LRBA: variants seen among roughly 807,000 people sequenced by gnomAD.
The protein encoded by LRBA is lipopolysaccharide-responsive and beige-like anchor protein.
Under a neutral mutation model 330.0 loss-of-function variants are expected in LRBA, and 176 were observed. The ratio of observed to expected loss-of-function variants is 0.53; its 90% CI spans 0.47 to 0.60. The LOEUF (loss-of-function observed/expected upper bound fraction) is 0.60, where lower values mean the gene tolerates loss of function less well. Ranked by LOEUF, LRBA falls within the 20% of genes least tolerant of loss-of-function variation. The pLI is 0.00. For synonymous variants in LRBA, 1,230 were observed against 1,193.0 expected (o/e 1.03, Z -0.64); for missense variants, 3,259 against 3,444.8 (o/e 0.95, Z 1.35).
intron 37 of LRBA, among the ~76,000 whole-genome samples, chr4:150,621,319 A>C (rs1776270276): frequency 6.6e-6 from 1 of 152,084 alleles, no homozygotes; most frequent in Admixed American, 6.6e-5. Flanking sequence ...ATTTTTAAAA[A>C]CTGTGGGCTT....
intron 47 of LRBA, among the ~76,000 whole-genome samples, chr4:150,406,039 A>G (rs1746152795): frequency 1.3e-5 from 2 of 152,198 alleles, no homozygotes; most frequent in South Asian, 4.1e-4. Flanking sequence ...TGGGTGACAG[A>G]GTGAGATTCT....
intron 56 of LRBA, among the ~76,000 whole-genome samples, chr4:150,272,363 T>G (rs1351124818): frequency 6.6e-6 from 1 of 152,012 alleles, no homozygotes; most frequent in East Asian, 1.9e-4. Context: ...TCCACAAAAA[T>G]GGGGAGAAAC....
intron 55 of LRBA, 80 bp from the exon 56 acceptor site, chr4:150,278,084 C>T (rs1747038375): frequency 3.2e-6 from 4 of 1,245,896 alleles, no homozygotes; most frequent in East Asian, 2.3e-5. Flanking sequence ...GTCATTCTTA[C>T]ACCAGCTACT....
At chr4:150,896,335 A>C in intron 16 of LRBA, 59 bp downstream of exon 16, 1 of 885,124 alleles carries the variant, frequency 1.1e-6, no homozygotes. Flanking sequence ...TTTTACTTTT[A>C]AAAAAGTCTA....
At chr4:150,394,316 AC>A (rs1390550155) in intron 47 of LRBA, among the ~76,000 whole-genome samples, 10 of 152,224 alleles carry the variant, frequency 6.6e-5, no homozygotes, top group Non-Finnish European at 5.9e-5. Context: ...TTCAGACATG[AC>A]CATGCATATG....
rs375725591 is a variant in LRBA at position 150,623,198 on chromosome 4, T to C, written c.5922-24067A>G. 1.6e-4 allele frequency among the ~76,000 whole-genome samples: 24 copies of C among 152,332 alleles called. 1 individual carries two copies. In the East Asian group the frequency reaches 4.6e-3, roughly 29 times the overall value. On this transcript the variant is annotated intron_variant, in intron 37 of 56. Transcript: ENST00000651943. ...TGACAAATCTTTCCTGGCGGTACAT[T>C]CAAACCTTGCCCCACAAGGGCATTC...
At chr4:150,422,159 G>C (rs1672247128) in intron 46 of LRBA, among the ~76,000 whole-genome samples, 1 of 152,142 alleles carries the variant, frequency 6.6e-6, no homozygotes, top group Non-Finnish European at 1.5e-5. Context: ...CTACTCTGGA[G>C]GGTGAGGTGA....
At chr4:150,895,313 A>C (rs868840495) in intron 16 of LRBA, among the ~76,000 whole-genome samples, 1 of 152,062 alleles carries the variant, frequency 6.6e-6, no homozygotes, top group Non-Finnish European at 1.5e-5. Flanking sequence ...TTCAAGTTTT[A>C]GGGTACATGT....
At chr4:150,754,461 G>A (rs559138300) in intron 35 of LRBA, among the ~76,000 whole-genome samples, 1 of 134,636 alleles carries the variant, frequency 7.4e-6, no homozygotes, top group East Asian at 2.2e-4. Flanking sequence ...CAGAGATAAA[G>A]ACATGAGCCC....
chr4:150,393,803 T>C (rs1031171764), intron 47 of LRBA, among the ~76,000 whole-genome samples: 9 of 152,218 alleles, frequency 5.9e-5, no homozygotes, highest in Admixed American at 4.6e-4. Flanking sequence ...TGTTTCTTTA[T>C]AGCATCATTG....
At chr4:150,644,554 G>A (rs1778961076) in intron 37 of LRBA, among the ~76,000 whole-genome samples, 1 of 151,844 alleles carries the variant, frequency 6.6e-6, no homozygotes, top group African/African-American at 2.4e-5. Context: ...TGAGGACATT[G>A]AAGCAAAATC....
chr4:150,490,440 T>C (rs904912181), intron 41 of LRBA, among the ~76,000 whole-genome samples: 9 of 151,862 alleles, frequency 5.9e-5, no homozygotes, highest in African/African-American at 2.2e-4. Context: ...AGTTCAACTT[T>C]CAAGAATGAT....
intron 37 of LRBA, among the ~76,000 whole-genome samples, chr4:150,648,166 A>AAAAAAAAAAAAAAAAAAAAAACAAC (rs1561468366): frequency 1.4e-5 from 2 of 142,566 alleles, no homozygotes; most frequent in African/African-American, 4.9e-5. Context: ...AGCAAAAAAA[A>AAAAAAAAAAAAAAAAAAAAAACAAC]AAAAAAAAAA....
intron 36 of LRBA, among the ~76,000 whole-genome samples, chr4:150,703,646 G>A (rs893117355): frequency 6.6e-5 from 10 of 151,974 alleles, no homozygotes; most frequent in African/African-American, 9.7e-5. Flanking sequence ...CTAATGTAAC[G>A]TCCATAACAA....
intron 31 of LRBA, among the ~76,000 whole-genome samples, chr4:150,811,597 G>A (rs1743746518): frequency 6.6e-6 from 1 of 152,074 alleles, no homozygotes; most frequent in Admixed American, 6.6e-5. Flanking sequence ...TGAGTTCCTG[G>A]ACTCAAGTAA....
intron 40 of LRBA, among the ~76,000 whole-genome samples, chr4:150,543,352 T>C (rs1765519655): frequency 6.6e-6 from 1 of 152,194 alleles, no homozygotes; most frequent in African/African-American, 2.4e-5. Context: ...AGAAAGGAGA[T>C]ACTATCCACT....
At chr4:150,927,093 G>A (rs1158809024) in intron 4 of LRBA, among the ~76,000 whole-genome samples, 7 of 148,112 alleles carry the variant, frequency 4.7e-5, no homozygotes, top group African/African-American at 1.7e-4. Flanking sequence ...AAAAAAAAAA[G>A]GCCAGGCGCG....
intron 36 of LRBA, among the ~76,000 whole-genome samples, chr4:150,704,011 C>T (rs761777714): frequency 1.3e-5 from 2 of 151,984 alleles, no homozygotes; most frequent in Non-Finnish European, 2.9e-5. Context: ...TTGGAACTCT[C>T]CTGCACAATA....
intron 40 of LRBA, among the ~76,000 whole-genome samples, chr4:150,559,644 A>T (rs1352202315): frequency 5.3e-5 from 3 of 56,416 alleles, no homozygotes; most frequent in Admixed American, 3.8e-4. Flanking sequence ...ATATTTATAT[A>T]ATATAATATA....
Sources: allele counts gnomAD v4.1 joint callset (sites outside exome capture counted in the v4.1 genomes callset), GRCh38; gene constraint gnomAD v4.1.1; transcripts MANE v1.5; gene names NCBI Gene and HGNC (gene_info 2026-07-23, HGNC 2026-07-21).